Variants in PLEKHA6 observed in about 807,000 individuals in gnomAD.
PLEKHA6 encodes the protein pleckstrin homology domain-containing family A member 6.
In PLEKHA6, 60 loss-of-function variants were observed where a neutral mutation model predicts 116.7. The observed-to-expected ratio is 0.51, with a 90% confidence interval of 0.42 to 0.64. PLEKHA6 has a LOEUF of 0.64. Among genes scored for constraint, PLEKHA6 ranks in the 30% least tolerant of loss-of-function variants. The pLI, the probability that PLEKHA6 is intolerant of heterozygous loss-of-function variation, is 0.00. For synonymous variants in PLEKHA6, 489 were observed against 556.1 expected (o/e 0.88, Z 1.70); for missense variants, 1,338 against 1,422.7 (o/e 0.94, Z 0.96).
intron 1 of PLEKHA6, among the ~76,000 whole-genome samples, chr1:204,348,042 G>A (rs562618003): frequency 2.0e-5 from 3 of 152,184 alleles, no homozygotes; most frequent in South Asian, 4.1e-4. Context: ...GAATTTCAGC[G>A]GAATTCCTAG....
chr1:204,291,431 C>T (rs1558147083), intron 1 of PLEKHA6, among the ~76,000 whole-genome samples: 2 of 152,070 alleles, frequency 1.3e-5, no homozygotes, highest in Non-Finnish European at 2.9e-5. Flanking sequence ...TAGGCATTTA[C>T]CCAAAAAAAA....
At position 204,241,712 on chromosome 1, in the gene PLEKHA6, C is replaced by A. The variant is rs768147670; in HGVS notation, c.2275G>T (p.Ala759Ser). ...SLVPTRQEVEAEKQAALNKVG... is the reference protein window; with the variant it reads ...SLVPTRQEVESEKQAALNKVG... ...TTGTTGAGAGCTGCCTGCTTCTCTG[C>A]CTCTACCTCTTGCCTGGTGGGCACA... Residue 759 changes from alanine to serine, a missense_variant, in exon 16 of 23, where the codon GCA (alanine) becomes TCA (serine). By Grantham distance (99) the Ala-to-Ser change is moderately conservative. Transcript: ENST00000272203. The A allele has an allele frequency of 1.2e-6, 2 of 1,608,250 alleles. No individual in the cohort carries two copies. Among genetic ancestry groups the A allele is most frequent in the Admixed American group, 3.4e-5 (2 of 58,730 alleles).
At chr1:204,233,096 C>T (rs1300654310) in intron 17 of PLEKHA6, among the ~76,000 whole-genome samples, 1 of 152,030 alleles carries the variant, frequency 6.6e-6, no homozygotes, top group African/African-American at 2.4e-5. Context: ...AGCCACCACC[C>T]CTGGCCAGGA....
chr1:204,314,940 G>A (rs141372718), intron 1 of PLEKHA6, among the ~76,000 whole-genome samples: 2 of 152,236 alleles, frequency 1.3e-5, no homozygotes, highest in Admixed American at 1.3e-4. Flanking sequence ...TGTAGGCCTC[G>A]GTGCCCTCAT....
intron 9 of PLEKHA6, among the ~76,000 whole-genome samples, chr1:204,253,690 G>A (rs562006263): frequency 2.0e-5 from 3 of 152,176 alleles, no homozygotes; most frequent in Non-Finnish European, 2.9e-5. Context: ...TTAGCCAGGT[G>A]TGGTGGCTGC....
chr1:204,320,576 A>T (rs376272849), intron 1 of PLEKHA6: 3 of 713,636 alleles, frequency 4.2e-6, no homozygotes, highest in East Asian at 1.4e-4. Flanking sequence ...GCAAAGAGAT[A>T]GGGAAACTTT....
chr1:204,286,111 G>T (rs541844968), intron 1 of PLEKHA6, among the ~76,000 whole-genome samples: 1 of 152,282 alleles, frequency 6.6e-6, no homozygotes, highest in East Asian at 1.9e-4. Context: ...GGAAATCACA[G>T]GTAAACAACC....
intron 1 of PLEKHA6, among the ~76,000 whole-genome samples, chr1:204,341,907 C>T (rs569221369): frequency 3.3e-5 from 5 of 152,240 alleles, no homozygotes; most frequent in South Asian, 2.1e-4. Context: ...GCATGAGTGG[C>T]CGGGTGCAGT....
intron 15 of PLEKHA6, 79 bp downstream of exon 15, chr1:204,244,785 C>T: frequency 8.7e-7 from 1 of 1,151,820 alleles, no homozygotes; most frequent in Non-Finnish European, 1.2e-6. Flanking sequence ...GAGATGGGCA[C>T]AGAAGTTGTA....
At chr1:204,330,449 T>C (rs140371049) in intron 1 of PLEKHA6, among the ~76,000 whole-genome samples, 206 of 152,360 alleles carry the variant, frequency 1.4e-3, no homozygotes, top group African/African-American at 4.8e-3. Flanking sequence ...TTGGTGTTAT[T>C]ATAGCAGTCT....
chr1:204,238,401 A>G lies in PLEKHA6; in HGVS notation c.2409+2974T>C, dbSNP rs1662356748. Among the ~76,000 whole-genome samples the G allele has an allele frequency of 6.6e-6, 1 of 152,148 alleles. No homozygotes were observed. The highest frequency in any genetic ancestry group is 1.5e-5 in the Non-Finnish European group (1 of 68,024). ...TGCAGCTAACTACTCTCCTTTTGAG[A>G]GACACCTGTTGGTCTGTTACTGGGC... On this transcript the variant is annotated intron_variant, in intron 17 of 22. Transcript: ENST00000272203. The surrounding 1 kb of genome is among the most constrained non-coding windows in gnomAD (Gnocchi z 4.2).
chr1:204,367,292 C>A (rs1673681465), intron 3 of PLEKHA6, among the ~76,000 whole-genome samples: 1 of 152,238 alleles, frequency 6.6e-6, no homozygotes, highest in Non-Finnish European at 1.5e-5. Flanking sequence ...AATAGGGCAT[C>A]TCCGCCCACA....
chr1:204,256,081 G>A (rs1665245811), intron 9 of PLEKHA6, among the ~76,000 whole-genome samples: 1 of 152,256 alleles, frequency 6.6e-6, no homozygotes, highest in Admixed American at 6.5e-5. Flanking sequence ...CACTGGCAGA[G>A]TGAGAATCAG....
intron 15 of PLEKHA6, among the ~76,000 whole-genome samples, chr1:204,244,025 GT>G (rs886906585): frequency 2.0e-5 from 3 of 151,582 alleles, no homozygotes; most frequent in African/African-American, 7.3e-5. Context: ...GTTTCACTGT[GT>G]TAGCCAGGAT....
At position 204,257,627 on chromosome 1, in the gene PLEKHA6, C is replaced by T. The variant is rs149127634; in HGVS notation, c.1250G>A (p.Arg417Gln). The change falls in exon 9 of 23, where the codon CGG becomes CAG. Residue 417 changes from arginine (R) to glutamine (Q), a missense_variant. This residue lies in a region of PLEKHA6 where 1,136 missense variants were observed against 1,163.6 expected (regional missense o/e 0.98). Transcript: ENST00000272203. The surrounding 1 kb of genome is among the most constrained non-coding windows in gnomAD (Gnocchi z 6.5). ...REWKEPASYGRQDATVWIPSP... is the reference protein window; with the variant it reads ...REWKEPASYGQQDATVWIPSP... The stretch of plus-strand genomic sequence containing the variant: ...TGGGATCCAGACGGTGGCATCCTGC[C>T]GCCCGTAGCTGGCGGGCTCCTTCCA... 6.3e-5 allele frequency: 102 copies of T among 1,609,376 alleles called. No homozygotes were observed. Among genetic ancestry groups the T allele is most frequent in the African/African-American group, 5.1e-4 (38 of 74,950 alleles).
At chr1:204,244,824 T>TC in intron 15 of PLEKHA6, 40 bp downstream of exon 15, 1 of 1,477,854 alleles carries the variant, frequency 6.8e-7, no homozygotes. Flanking sequence ...GATCTGGTCC[T>TC]CCCTCCCCCA....
At chr1:204,360,383 G>A (rs28380734), upstream of PLEKHA6, among the ~76,000 whole-genome samples, 10 of 135,646 alleles carry the variant, frequency 7.4e-5, no homozygotes, top group Non-Finnish European at 1.3e-4. Flanking sequence ...CCCATCCCCC[G>A]CCCCCCCCCC....
upstream of PLEKHA6, among the ~76,000 whole-genome samples, chr1:204,362,994 C>T (rs73061810): frequency 3.0e-4 from 45 of 152,348 alleles, no homozygotes; most frequent in African/African-American, 1.0e-3. Flanking sequence ...TCTCCTCGGC[C>T]GCCTCCTTCT....
Position 204,241,462 on chromosome 1 carries a change from C to T in PLEKHA6, c.2322G>A (p.Arg774=). The T allele has an allele frequency of 6.2e-7, 1 of 1,606,248 alleles. No homozygotes were observed. The highest frequency in any genetic ancestry group is 8.5e-7 in the Non-Finnish European group (1 of 1,176,284). The change falls in exon 17 of 23, where the codon CGG becomes CGA. Residue 774 remains arginine, a synonymous_variant. Coordinates refer to ENST00000272203, the MANE Select transcript of PLEKHA6 (RefSeq NM_014935.5). ...CCTCATCATCAGTGGGCGATTTTGT[C>T]CGAGGGGGCACAACGCCAACTGCAG... ...ALNKVGVVPP[R]TKSPTDDEVT... is the part of the protein sequence containing the mutation.
Sources: allele counts gnomAD v4.1 joint callset (sites outside exome capture counted in the v4.1 genomes callset), GRCh38; gene constraint gnomAD v4.1.1; regional missense constraint gnomAD v4.1.1; non-coding constraint Gnocchi (gnomAD v3.1); transcripts MANE v1.5; gene names NCBI Gene and HGNC (gene_info 2026-07-23, HGNC 2026-07-21).